Variants in PSTPIP1 observed in about 807,000 individuals in gnomAD.
PSTPIP1 encodes proline-serine-threonine phosphatase interacting protein 1, also known as proline-serine-threonine phosphatase-interacting protein 1.
In PSTPIP1, 66 loss-of-function variants were observed where a neutral mutation model predicts 69.6. The ratio of observed to expected loss-of-function variants is 0.95; its 90% CI spans 0.78 to 1.16. The LOEUF (loss-of-function observed/expected upper bound fraction) is 1.16, where lower values mean the gene tolerates loss of function less well. Among genes scored for constraint, PSTPIP1 ranks in the 50% most tolerant of loss-of-function variants. The pLI, the probability that PSTPIP1 is intolerant of heterozygous loss-of-function variation, is 0.00. For synonymous variants in PSTPIP1, 266 were observed against 222.7 expected, an observed-to-expected ratio of 1.19 and a Z score of -1.73; for missense variants, 603 against 557.4, an observed-to-expected ratio of 1.08 and a Z score of -0.82.
chr15:77,028,091 C>T (rs1056411161), intron 6 of PSTPIP1, among the ~76,000 whole-genome samples, 177 bp downstream of exon 6: 3 of 152,142 alleles, frequency 2.0e-5, no homozygotes, highest in East Asian at 1.9e-4. Flanking sequence ...GTGCTGGGCG[C>T]TATGGCCCCG....
At chr15:77,025,665 G>T in intron 5 of PSTPIP1, 61 bp downstream of exon 5, 1 of 1,424,686 alleles carries the variant, frequency 7.0e-7, no homozygotes, top group South Asian at 1.3e-5. Flanking sequence ...CAGTTGCTGT[G>T]GGGGTAGGGG....
intron 1 of PSTPIP1, among the ~76,000 whole-genome samples, chr15:77,014,968 CTG>C (rs1177400271): frequency 3.3e-5 from 5 of 152,222 alleles, no homozygotes; most frequent in Non-Finnish European, 5.9e-5. Flanking sequence ...GAGGAAGAGA[CTG>C]TGCCCGCTCC....
At chr15:77,015,963 T>A (rs1239735890) in intron 1 of PSTPIP1, 16 of 456,172 alleles carry the variant, frequency 3.5e-5, no homozygotes, top group South Asian at 7.7e-5. Flanking sequence ...GCAGGGCCTC[T>A]CGCTGCTTTC....
intron 7 of PSTPIP1, 112 bp from the exon 8 acceptor site, chr15:77,029,417 G>A (rs1255410577): frequency 1.5e-6 from 2 of 1,309,982 alleles, no homozygotes; most frequent in South Asian, 1.3e-5. Flanking sequence ...GTTGGCTCCT[G>A]AATGTTCCCC....
intron 1 of PSTPIP1, among the ~76,000 whole-genome samples, chr15:76,996,491 C>T (rs1291505813): frequency 6.6e-6 from 1 of 152,232 alleles, no homozygotes; most frequent in Non-Finnish European, 1.5e-5. Context: ...CTGCCTCCAA[C>T]CCCGAAGAGG....
rs1304503922 is a variant in PSTPIP1, at chr15:77,032,323, T to C, written c.767T>C (p.Leu256Pro). The C allele has an allele frequency of 6.2e-7, 1 of 1,612,574 alleles. No individual in the cohort carries two copies. Among genetic ancestry groups the C allele is most frequent in the Non-Finnish European group, 8.5e-7 (1 of 1,179,754 alleles). The change falls in exon 11 of 15, where the codon CTG becomes CCG. Residue 256 changes from leucine (L) to proline (P), a missense_variant. Physicochemically the swap from Leu to Pro is moderately conservative, Grantham distance 98. Coordinates refer to ENST00000558012, the MANE Select transcript of PSTPIP1 (RefSeq NM_003978.5). The part of the protein sequence containing the change: ...DELYEEVRLT[L>P]EGCSIDADID... ...CTCTACGAGGAAGTGCGGCTGACGC[T>C]GGAAGGCTGCAGCATAGACGCCGAC...
At chr15:77,018,077 G>T in intron 1 of PSTPIP1, 71 bp from the exon 2 acceptor site, 2 of 1,445,602 alleles carry the variant, frequency 1.4e-6, no homozygotes, top group Non-Finnish European at 1.9e-6. Context: ...GATGGTGGGA[G>T]GGTCCCCACA....
intron 9 of PSTPIP1, among the ~76,000 whole-genome samples, chr15:77,030,915 C>G (rs747060067): frequency 6.6e-6 from 1 of 152,224 alleles, no homozygotes; most frequent in African/African-American, 2.4e-5. Context: ...CGTCCGAGGT[C>G]CCTCTCACTA....
At chr15:77,002,147 C>T (rs1012820098) in intron 1 of PSTPIP1, among the ~76,000 whole-genome samples, 11 of 152,252 alleles carry the variant, frequency 7.2e-5, no homozygotes, top group Non-Finnish European at 1.6e-4. Context: ...TGCCCCCAAA[C>T]GCATTGTCAG....
At chr15:77,021,333 A>G (rs926647036) in intron 3 of PSTPIP1, among the ~76,000 whole-genome samples, 4 of 152,172 alleles carry the variant, frequency 2.6e-5, no homozygotes, top group African/African-American at 9.7e-5. Context: ...GCAATGGAGG[A>G]TGGACAAGTA....
upstream of PSTPIP1, chr15:76,994,992 G>C (rs141519847): frequency 1.7e-6 from 2 of 1,182,920 alleles, no homozygotes; most frequent in Non-Finnish European, 2.2e-6. Context: ...GGAATAAAGT[G>C]AGCCCGCACC....
intron 3 of PSTPIP1, chr15:77,024,105 G>C (rs2076221067): frequency 6.6e-6 from 1 of 152,354 alleles, no homozygotes; most frequent in African/African-American, 2.4e-5. Flanking sequence ...GCAGAGTTGT[G>C]AGCAGTTCTG....
At chr15:77,001,274 T>TG (rs2075701853) in intron 1 of PSTPIP1, among the ~76,000 whole-genome samples, 1 of 152,254 alleles carries the variant, frequency 6.6e-6, no homozygotes, top group East Asian at 1.9e-4. Context: ...GAGGCATTTC[T>TG]GGGTGAAAGA....
intron 1 of PSTPIP1, among the ~76,000 whole-genome samples, chr15:77,007,348 C>T (rs1425380566): frequency 6.6e-6 from 1 of 152,166 alleles, no homozygotes; most frequent in African/African-American, 2.4e-5. Flanking sequence ...TGGCTCATGC[C>T]TGTAATTCCA....
intron 3 of PSTPIP1, among the ~76,000 whole-genome samples, chr15:77,022,947 G>T (rs911983953): frequency 6.6e-6 from 1 of 152,250 alleles, no homozygotes; most frequent in Admixed American, 6.5e-5. Flanking sequence ...GGACAAATGG[G>T]AGTTCAAGGT....
intron 5 of PSTPIP1, 29 bp downstream of exon 5, chr15:77,025,633 T>C: frequency 6.7e-7 from 1 of 1,484,422 alleles, no homozygotes; most frequent in Non-Finnish European, 9.1e-7. Context: ...GCGGGGGAGC[T>C]GCTCCCCCAT....
At chr15:77,012,377 C>T (rs1461328114) in intron 1 of PSTPIP1, among the ~76,000 whole-genome samples, 1 of 138,804 alleles carries the variant, frequency 7.2e-6, no homozygotes, top group East Asian at 2.5e-4. Flanking sequence ...ACCCACCTAT[C>T]CACCCATCCA....
At chr15:77,019,211 G>C (rs941411106) in intron 3 of PSTPIP1, among the ~76,000 whole-genome samples, 3 of 152,200 alleles carry the variant, frequency 2.0e-5, no homozygotes, top group Non-Finnish European at 4.4e-5. Flanking sequence ...GGTGAGTTCA[G>C]GACACAGCCA....
chr15:77,031,544 C>T lies in PSTPIP1; in HGVS notation c.741+266C>T, dbSNP rs2076417527. On this transcript the variant is annotated intron_variant, in intron 10 of 14. Transcript: ENST00000558012. ...CTCCTTATGCCTCAGAGCCACAGAG[C>T]ACCTGCCCCCTCTGCCGGGGATGGG... 8.5e-6 allele frequency: 3 copies of T among 354,658 alleles called. No individual in the cohort carries two copies. In the East Asian group the frequency reaches 1.9e-4, roughly 23 times the overall value. The allele number at this position is 354,658 out of a possible 1,614,324, so 22.0% of individuals were successfully genotyped here. A position where few individuals can be genotyped will look rare whatever the true frequency, so the allele number is the denominator to read the frequency against.
Sources: gnomAD v4.1 joint callset for allele counts (sites outside exome capture counted in the v4.1 genomes callset) on GRCh38, gnomAD v4.1.1 for gene constraint, MANE v1.5 for transcripts, NCBI Gene and HGNC (gene_info 2026-07-23, HGNC 2026-07-21) for gene names.